Variants in USH2A observed in about 807,000 individuals in gnomAD.
USH2A encodes the protein Usher syndrome 2A (autosomal recessive, mild).
Under a neutral mutation model 538.9 loss-of-function variants are expected in USH2A, and 443 were observed. That is an observed-to-expected ratio of 0.82 (90% CI 0.76 to 0.89). The LOEUF (loss-of-function observed/expected upper bound fraction) is 0.89. Ranked by LOEUF, USH2A falls within the 40% of genes least tolerant of loss-of-function variation. The pLI is 0.00. For synonymous variants in USH2A, 2,413 were observed against 2,273.5 expected (o/e 1.06, Z -1.75); for missense variants, 6,633 against 6,324.8 (o/e 1.05, Z -1.65).
intron 15 of USH2A, among the ~76,000 whole-genome samples, chr1:216,211,719 C>T (rs1010614827): frequency 1.7e-4 from 26 of 152,200 alleles, no homozygotes; most frequent in Non-Finnish European, 3.2e-4. Context: ...TAGCAACAAT[C>T]TCATAATGAC....
chr1:215,687,199 C>T (rs1253231325), intron 61 of USH2A, among the ~76,000 whole-genome samples: 9 of 152,102 alleles, frequency 5.9e-5, no homozygotes, highest in Admixed American at 5.9e-4. Context: ...CTAGCTAATG[C>T]TGTCACCTAA....
intron 44 of USH2A, among the ~76,000 whole-genome samples, chr1:215,851,046 T>C (rs1464358429): frequency 6.6e-6 from 1 of 152,112 alleles, no homozygotes; most frequent in Non-Finnish European, 1.5e-5. Flanking sequence ...ACAAAAGCAG[T>C]GTTAAGAGGA....
At chr1:215,951,039 G>C (rs1365180707) in intron 37 of USH2A, among the ~76,000 whole-genome samples, 1 of 151,988 alleles carries the variant, frequency 6.6e-6, no homozygotes, top group African/African-American at 2.4e-5. Flanking sequence ...AGGGTTTTTT[G>C]TGTCTCTATG....
chr1:216,071,691 C>T (rs11120732), intron 29 of USH2A, among the ~76,000 whole-genome samples: 2 of 152,128 alleles, frequency 1.3e-5, no homozygotes, highest in Non-Finnish European at 2.9e-5. Flanking sequence ...AAGCAATGTG[C>T]TTTCCAGACG....
At chr1:215,717,894 C>T (rs549886750) in intron 61 of USH2A, among the ~76,000 whole-genome samples, 7 of 152,082 alleles carry the variant, frequency 4.6e-5, no homozygotes, top group Admixed American at 2.0e-4. Context: ...TAACATCAGG[C>T]GAGAAAGTTA....
At chr1:215,733,203 G>C (rs1393845423) in intron 60 of USH2A, among the ~76,000 whole-genome samples, 1 of 138,138 alleles carries the variant, frequency 7.2e-6, no homozygotes, top group East Asian at 2.4e-4. Context: ...GTGGCGGGGG[G>C]GCGGGGGGCG....
chr1:215,991,487 A>T lies in USH2A; in HGVS notation c.6805+1533T>A, dbSNP rs1230777534. 3.9e-5 allele frequency among the ~76,000 whole-genome samples: 6 copies of T among 152,118 alleles called. No homozygotes were observed. The South Asian group carries it at 6.2e-4, about 16-fold the overall frequency. On this transcript the variant is annotated intron_variant, in intron 35 of 71. Transcript: ENST00000307340. ...TAGTAAAAACAAAAAAAGTCGTTTT[A>T]AAAAAAATAAAACTGCCTTTTAAAT...
In USH2A at chr1:216,208,367, T is replaced by A. The variant is rs76856996; in HGVS notation, c.3158-936A>T. On this transcript the variant is annotated intron_variant, in intron 15 of 71. Transcript: ENST00000307340. The stretch of plus-strand genomic sequence containing the variant: ...AAGATGTCAAGGGTACAGGTTGCTG[T>A]GTTACCTTACTTTTAAACCATTCAT... Among the ~76,000 whole-genome samples, 15 of 152,264 alleles carry A rather than the reference T, an allele frequency of 9.9e-5. No homozygotes were observed. In the East Asian group the frequency reaches 2.9e-3, roughly 29 times the overall value.
intron 4 of USH2A, among the ~76,000 whole-genome samples, chr1:216,363,539 A>G (rs559455768): frequency 6.6e-6 from 1 of 152,274 alleles, no homozygotes; most frequent in South Asian, 2.1e-4. Context: ...GTATGTATAC[A>G]TCTATGTATA....
intron 21 of USH2A, among the ~76,000 whole-genome samples, chr1:216,165,389 T>C (rs879527568): frequency 1.3e-4 from 20 of 152,178 alleles, no homozygotes; most frequent in South Asian, 2.1e-4. Flanking sequence ...CAATTTCTGA[T>C]ATAACACTCT....
intron 53 of USH2A, 73 bp downstream of exon 53, chr1:215,782,665 A>C (rs1558095634): frequency 1.3e-6 from 2 of 1,495,222 alleles, no homozygotes; most frequent in East Asian, 4.6e-5. Context: ...AATTAAATGT[A>C]GATTGTACTC....
intron 64 of USH2A, among the ~76,000 whole-genome samples, chr1:215,653,922 C>T (rs568375295): frequency 2.0e-5 from 3 of 152,156 alleles, no homozygotes; most frequent in East Asian, 1.9e-4. Context: ...CAATATGTCC[C>T]GATCTTTTAG....
intron 3 of USH2A, among the ~76,000 whole-genome samples, chr1:216,396,167 A>ACAAAAATGAG (rs1363898911): frequency 6.6e-6 from 1 of 152,200 alleles, no homozygotes; most frequent in African/African-American, 2.4e-5. Context: ...AGAAAGATAT[A>ACAAAAATGAG]CAAAAATGAG....
Position 215,993,135 on chromosome 1 carries a change from C to T in USH2A, c.6690G>A (p.Glu2230=), listed in dbSNP as rs1420739324. Residue 2230 remains glutamate, a synonymous_variant, in exon 35 of 72, where the codon GAG becomes GAA. Transcript: ENST00000307340. The stretch of plus-strand genomic sequence containing the variant: ...CCTCGTCAGTTAGGGCCTCACTGGC[C>T]TCACTCACTGTGCACCCACCACCTG... ...ACTGGGCTVS[E]ASEALTDEDI... is the part of the protein sequence containing the mutation. The T allele has an allele frequency of 6.2e-6, 10 of 1,613,878 alleles. No individual in the cohort carries two copies. The highest frequency in any genetic ancestry group is 1.7e-5 in the Admixed American group (1 of 59,974).
Position 215,675,420 on chromosome 1 carries a change from TG to T in USH2A, c.12490del (p.His4164ThrfsTer3), listed in dbSNP as rs1163196185. 1.2e-6 allele frequency: 2 copies of T among 1,613,840 alleles called. No individual in the cohort carries two copies. The highest frequency in any genetic ancestry group is 2.2e-5 in the South Asian group (2 of 91,060). On this transcript the variant is annotated frameshift_variant, in exon 63 of 72. Coordinates refer to ENST00000307340, the MANE Select transcript of USH2A (RefSeq NM_206933.4). LOFTEE classifies it high-confidence loss of function. ...PPDSQLAPTV[H>X]SVKSTSVELS... Reference sequence around the variant, plus strand: ...CTCAACACTGGTGGACTTCACAGAGTGGACAGTAGGAGCCAGCTGAGAGTCT... The same window carrying T: ...CTCAACACTGGTGGACTTCACAGAGTGACAGTAGGAGCCAGCTGAGAGTCT...
At chr1:216,029,644 C>T (rs6671542) in intron 32 of USH2A, among the ~76,000 whole-genome samples, 150,172 of 152,044 alleles carry the variant, frequency 0.99, 74,173 homozygotes, top group East Asian at 1. Flanking sequence ...AGTGTACAAA[C>T]CAGGATATAT....
chr1:215,944,181 T>TAA (rs1320667625), intron 37 of USH2A, among the ~76,000 whole-genome samples: 2 of 152,160 alleles, frequency 1.3e-5, no homozygotes, highest in African/African-American at 4.8e-5. Flanking sequence ...CCTATTTTTG[T>TAA]AAATAAAGGC....
chr1:215,639,065 T>C, intron 69 of USH2A, 90 bp downstream of exon 69: 1 of 1,212,692 alleles, frequency 8.2e-7, no homozygotes, highest in South Asian at 1.2e-5. Flanking sequence ...TGCTAATATA[T>C]TAGGACTCCA....
Position 215,786,789 on chromosome 1 carries a change from T to A in USH2A, c.10268A>T (p.His3423Leu), listed in dbSNP as rs1300304885. The change falls in exon 52 of 72, where the codon CAC becomes CTC. Residue 3423 changes from histidine (H) to leucine (L), a missense_variant. Transcript: ENST00000307340. ...AGACCCTCTTATCACAGTGCAAATG[T>A]GGCTGGTAAAGTTGAAGTCACACCT... is the stretch of plus-strand genomic sequence containing the variant. ...CGRCDFNFTS[H>L]ICTVIRGSHN... 6.2e-7 allele frequency: 1 copy of A among 1,613,656 alleles called. No individual in the cohort carries two copies. The highest frequency in any genetic ancestry group is 8.5e-7 in the Non-Finnish European group (1 of 1,179,916).
Sources: allele counts gnomAD v4.1 joint callset (sites outside exome capture counted in the v4.1 genomes callset), GRCh38; gene constraint gnomAD v4.1.1; transcripts MANE v1.5; gene names NCBI Gene and HGNC (gene_info 2026-07-23, HGNC 2026-07-21).